Variants in DNAJC5 observed in about 807,000 individuals in gnomAD.
The protein encoded by DNAJC5 is dnaJ homolog subfamily C member 5.
A neutral mutation model predicts 23.2 loss-of-function variants in DNAJC5; 1 was observed. That is an observed-to-expected ratio of 0.04 (90% CI 0.02 to 0.20). The LOEUF (loss-of-function observed/expected upper bound fraction) is 0.20, where lower values mean the gene tolerates loss of function less well. Among genes scored for constraint, DNAJC5 ranks in the 10% least tolerant of loss-of-function variants. The probability of loss-of-function intolerance (pLI) is 1.00; values close to 1 mark genes in which losing one functional copy is unlikely to be tolerated. For synonymous variants in DNAJC5, 136 were observed against 120.0 expected, an observed-to-expected ratio of 1.13 and a Z score of -0.87; for missense variants, 180 against 267.0, an observed-to-expected ratio of 0.67 and a Z score of 2.27.
At position 63,929,407 on chromosome 20, in the gene DNAJC5, C is replaced by T. The variant is rs1382120578; in HGVS notation, c.203C>T (p.Thr68Met). Residue 68 changes from threonine to methionine, a missense_variant, in exon 3 of 5, where the codon ACG becomes ATG. Physicochemically the swap from Thr to Met is moderately conservative, Grantham distance 81. Around this residue, in one of 3 missense-constraint regions of DNAJC5, gnomAD observed 77 missense variants for 106.8 expected, o/e 0.72. Transcript: ENST00000360864. This position sits in a 1 kb window ranked among gnomAD's most constrained non-coding sequence, Gnocchi z 8.6. ...KEINNAHAIL[T>M]DATKRNIYDK... ...ATCAACAACGCGCACGCCATCCTCA[C>T]GGACGCCACAAAAAGGAACATCTAC... The T allele has an allele frequency of 3.7e-6, 6 of 1,614,074 alleles. No individual in the cohort carries two copies. In the East Asian group the frequency reaches 8.9e-5, roughly 24 times the overall value.
chr20:63,924,555 TAAAAAC>T (rs746596364), intron 1 of DNAJC5, among the ~76,000 whole-genome samples: 27 of 152,094 alleles, frequency 1.8e-4, no homozygotes, highest in Middle Eastern at 3.4e-3. Context: ...CTATTTAACT[TAAAAAC>T]AAAAACAAAA....
intron 1 of DNAJC5, among the ~76,000 whole-genome samples, chr20:63,911,478 C>T (rs945010452): frequency 2.0e-5 from 3 of 152,180 alleles, no homozygotes; most frequent in Admixed American, 1.3e-4. Context: ...CTGGCTCGGC[C>T]GGGCGCTGCC....
rs1022938511 is a variant in DNAJC5, at chr20:63,928,062, G to A, written c.-11-273G>A. On this transcript the variant is annotated intron_variant, in intron 1 of 4. Transcript: ENST00000360864. The surrounding 1 kb of genome is among the most constrained non-coding windows in gnomAD (Gnocchi z 4.6). ...ACTCCTGGGCTCAAGCGGTCCTCCC[G>A]CCTCAGCCTCCCAAAATGCTGGGAC... Among the ~76,000 whole-genome samples, 3 of 152,146 alleles carry A rather than the reference G, an allele frequency of 2.0e-5. No individual in the cohort carries two copies. Among genetic ancestry groups the A allele is most frequent in the South Asian group, 2.1e-4 (1 of 4,832 alleles).
intron 1 of DNAJC5, among the ~76,000 whole-genome samples, chr20:63,915,671 G>A (rs913157867): frequency 2.0e-5 from 3 of 152,198 alleles, no homozygotes; most frequent in Admixed American, 2.0e-4. Flanking sequence ...ATGGCAGGGA[G>A]CCCTAAGTTC....
rs533403157 is a variant in DNAJC5 at position 63,931,385 on chromosome 20, G to A, written c.494-80G>A. 2.4e-4 allele frequency: 327 copies of A among 1,363,650 alleles called. 2 individuals carry two copies. Among genetic ancestry groups the A allele is most frequent in the Non-Finnish European group, 3.2e-5 (32 of 991,046 alleles). 84.5% of individuals were successfully genotyped at this position (1,363,650 alleles called of 1,614,324 possible). ...CGGTGGAGAGTTTGTCCAGGTGCCC[G>A]AAAGTCGCTCCACAGGACCAGCGTT... On this transcript the variant is annotated intron_variant, in intron 4 of 4. Transcript: ENST00000360864. This position sits in a 1 kb window ranked among gnomAD's most constrained non-coding sequence, Gnocchi z 9.6.
chr20:63,898,164 A>G (rs955474159), intron 1 of DNAJC5, among the ~76,000 whole-genome samples: 2 of 152,138 alleles, frequency 1.3e-5, no homozygotes, highest in African/African-American at 4.8e-5. Flanking sequence ...GCCCTGTACA[A>G]GGTGCTGGTG....
intron 1 of DNAJC5, among the ~76,000 whole-genome samples, chr20:63,900,641 C>T (rs1445235683): frequency 6.7e-6 from 1 of 149,660 alleles, no homozygotes; most frequent in African/African-American, 2.5e-5. Context: ...TCAGGACAGA[C>T]CTGCATATGC....
At chr20:63,924,122 C>CT (rs2053592478) in intron 1 of DNAJC5, among the ~76,000 whole-genome samples, 1 of 152,092 alleles carries the variant, frequency 6.6e-6, no homozygotes, top group Non-Finnish European at 1.5e-5. Flanking sequence ...GGTAAATTCT[C>CT]TAACTTTTGT....
At chr20:63,919,115 G>T (rs527281228) in intron 1 of DNAJC5, among the ~76,000 whole-genome samples, 2 of 152,160 alleles carry the variant, frequency 1.3e-5, no homozygotes, top group African/African-American at 2.4e-5. Flanking sequence ...AAGAACACAC[G>T]TATTTTATTT....
intron 1 of DNAJC5, among the ~76,000 whole-genome samples, chr20:63,898,521 T>C (rs182652842): frequency 1.9e-3 from 282 of 152,100 alleles, no homozygotes; most frequent in Non-Finnish European, 3.5e-3. Flanking sequence ...CCCTTAACAC[T>C]CCAGTTATCT....
intron 1 of DNAJC5, among the ~76,000 whole-genome samples, chr20:63,921,651 T>C (rs193110994): frequency 4.6e-5 from 7 of 151,722 alleles, no homozygotes; most frequent in Non-Finnish European, 8.8e-5. Context: ...AAATGAAGAC[T>C]GCGAATAACG....
intron 1 of DNAJC5, among the ~76,000 whole-genome samples, chr20:63,926,369 T>C (rs886923811): frequency 6.6e-5 from 10 of 152,250 alleles, no homozygotes; most frequent in Non-Finnish European, 8.8e-5. Flanking sequence ...GTTGAAGTTA[T>C]CTGTTTGTTT....
chr20:63,906,400 C>T (rs2053448473), intron 1 of DNAJC5, among the ~76,000 whole-genome samples: 1 of 151,768 alleles, frequency 6.6e-6, no homozygotes, highest in African/African-American at 2.4e-5. Context: ...TGAGGCAGGA[C>T]AATTGCTTAA....
At chr20:63,899,757 A>G (rs139776289) in intron 1 of DNAJC5, among the ~76,000 whole-genome samples, 9,183 of 148,816 alleles carry the variant, frequency 0.062, 452 homozygotes, top group Non-Finnish European at 0.08. Flanking sequence ...AATTTTTTGT[A>G]TTTTTAGTAG....
chr20:63,909,628 C>G (rs1304517883), intron 1 of DNAJC5, among the ~76,000 whole-genome samples: 2 of 152,222 alleles, frequency 1.3e-5, no homozygotes, highest in African/African-American at 4.8e-5. Context: ...CTGCAGTGAG[C>G]CGAGATTGTG....
rs560037429 is a variant in DNAJC5 at position 63,924,348 on chromosome 20, A to G, written c.-11-3987A>G. On this transcript the variant is annotated intron_variant, in intron 1 of 4. Transcript: ENST00000360864. Reference sequence around the variant, plus strand: ...TTTTCTTATCTTTAGTATCTTAGCAATTTGTGGTTTTCAACGTACAGATTT... The same window carrying G: ...TTTTCTTATCTTTAGTATCTTAGCAGTTTGTGGTTTTCAACGTACAGATTT... Among the ~76,000 whole-genome samples, 8 of 152,204 alleles carry G rather than the reference A, an allele frequency of 5.3e-5. No individual in the cohort carries two copies. In the South Asian group the frequency reaches 1.5e-3, roughly 28 times the overall value.
At chr20:63,909,726 T>G (rs538284435) in intron 1 of DNAJC5, among the ~76,000 whole-genome samples, 1 of 152,070 alleles carries the variant, frequency 6.6e-6, no homozygotes, top group Admixed American at 6.5e-5. Flanking sequence ...GAGAGTAGAT[T>G]TCTACTGAAT....
At chr20:63,917,321 C>G (rs1177199395) in intron 1 of DNAJC5, among the ~76,000 whole-genome samples, 1 of 151,560 alleles carries the variant, frequency 6.6e-6, no homozygotes, top group Non-Finnish European at 1.5e-5. Flanking sequence ...ATGGTGTGAT[C>G]TTGGCTCACT....
At chr20:63,902,701 A>AG (rs1398770600) in intron 1 of DNAJC5, among the ~76,000 whole-genome samples, 1 of 105,290 alleles carries the variant, frequency 9.5e-6, no homozygotes, top group Non-Finnish European at 1.8e-5. Flanking sequence ...TTTGAGACAG[A>AG]GTCTTGCTCT....
Sources: gnomAD v4.1 joint callset for allele counts (sites outside exome capture counted in the v4.1 genomes callset) on GRCh38, gnomAD v4.1.1 for gene constraint, gnomAD v4.1.1 regional missense constraint, Gnocchi (gnomAD v3.1) non-coding constraint, MANE v1.5 for transcripts, NCBI Gene and HGNC (gene_info 2026-07-23, HGNC 2026-07-21) for gene names.